CLYBL: variants seen among roughly 807,000 people sequenced by gnomAD.
CLYBL encodes citramalyl-CoA lyase.
A neutral mutation model predicts 38.9 loss-of-function variants in CLYBL; 31 were observed. That is an observed-to-expected ratio of 0.80 (90% CI 0.60 to 1.08). CLYBL has a LOEUF of 1.08. Ranked by LOEUF, CLYBL falls within the 50% of genes least tolerant of loss-of-function variation. CLYBL has a pLI of 0.00. For synonymous variants in CLYBL, 171 were observed against 158.6 expected, an observed-to-expected ratio of 1.08 and a Z score of -0.59; for missense variants, 434 against 411.6, an observed-to-expected ratio of 1.05 and a Z score of -0.47.
chr13:99,665,463 T>C (rs1279670630), intron 1 of CLYBL, among the ~76,000 whole-genome samples: 1 of 152,086 alleles, frequency 6.6e-6, no homozygotes, highest in South Asian at 2.1e-4. Context: ...AGAATTAATA[T>C]AAAGAAAACA....
At chr13:99,736,892 A>G (rs1407831157) in intron 1 of CLYBL, among the ~76,000 whole-genome samples, 1 of 152,170 alleles carries the variant, frequency 6.6e-6, no homozygotes, top group African/African-American at 2.4e-5. Context: ...ATATTGCCAG[A>G]CCCTGGCTTA....
chr13:99,782,035 A>G (rs893702183), intron 2 of CLYBL, among the ~76,000 whole-genome samples: 2 of 152,086 alleles, frequency 1.3e-5, no homozygotes, highest in African/African-American at 4.8e-5. Flanking sequence ...TATTATTGCT[A>G]TCTACAGTAT....
At chr13:99,905,794 CTCTG>C (rs1434304487) in intron 9 of CLYBL, among the ~76,000 whole-genome samples, 3 of 150,132 alleles carry the variant, frequency 2.0e-5, no homozygotes, top group East Asian at 3.9e-4. Flanking sequence ...GAGACAGGGT[CTCTG>C]TCTGTCGCCC....
At position 99,655,072 on chromosome 13, in the gene CLYBL, A is replaced by T. The variant is rs1435292034; in HGVS notation, c.62+48315A>T. Among the ~76,000 whole-genome samples, 5 of 147,074 alleles carry T rather than the reference A, an allele frequency of 3.4e-5. No individual in the cohort carries two copies. In the South Asian group the frequency reaches 1.1e-3, roughly 32 times the overall value. ...TGATGGCCCAGCACTATGGTGTTGC[A>T]TTTCTTTCTTTTTTTTTTTTTTAGA... On this transcript the variant is annotated intron_variant, in intron 1 of 8. Coordinates refer to ENST00000339105, the MANE Select transcript of CLYBL (RefSeq NM_206808.5).
At chr13:99,803,737 A>G (rs897795618) in intron 2 of CLYBL, among the ~76,000 whole-genome samples, 2 of 152,206 alleles carry the variant, frequency 1.3e-5, no homozygotes, top group Non-Finnish European at 2.9e-5. Context: ...TGGGGGGTCC[A>G]GTGGGTTGAA....
chr13:99,800,157 A>G (rs1423626579), intron 2 of CLYBL, among the ~76,000 whole-genome samples: 4 of 152,068 alleles, frequency 2.6e-5, no homozygotes, highest in Non-Finnish European at 5.9e-5. Flanking sequence ...CTTCTCACCC[A>G]CATGGTTTGG....
chr13:99,862,887 A>G (rs1338935565), intron 3 of CLYBL, 104 bp from the exon 4 acceptor site: 36 of 479,206 alleles, frequency 7.5e-5, no homozygotes, highest in Non-Finnish European at 1.1e-4. Flanking sequence ...AGAGGCTTGG[A>G]TATTACTTCC....
At chr13:99,782,072 C>A (rs2049668312) in intron 2 of CLYBL, among the ~76,000 whole-genome samples, 1 of 151,992 alleles carries the variant, frequency 6.6e-6, no homozygotes. Flanking sequence ...ACATATTTTC[C>A]CACTTTTTTT....
rs1447534154 is a variant in CLYBL at position 99,849,581 on chromosome 13, G to A, written c.250-9280G>A. On this transcript the variant is annotated intron_variant, in intron 2 of 8. Transcript: ENST00000339105. This position sits in a 1 kb window ranked among gnomAD's most constrained non-coding sequence, Gnocchi z 4.9. The stretch of plus-strand genomic sequence containing the variant: ...GAATCATAAAACATCGGCAGTGCCC[G>A]CCCACCAAGGGCATCTTCTCAGCAC... Among the ~76,000 whole-genome samples, 1 of 152,186 alleles carries A rather than the reference G, an allele frequency of 6.6e-6. No homozygotes were observed. The highest frequency in any genetic ancestry group is 1.5e-5 in the Non-Finnish European group (1 of 68,044).
chr13:99,743,441 A>C (rs116522210), intron 1 of CLYBL, among the ~76,000 whole-genome samples: 2 of 152,218 alleles, frequency 1.3e-5, no homozygotes, highest in South Asian at 4.1e-4. Context: ...TGAAATGTAC[A>C]TGCAGACAAG....
At chr13:99,904,199 A>G (rs1175514292) in intron 8 of CLYBL, among the ~76,000 whole-genome samples, 2 of 152,200 alleles carry the variant, frequency 1.3e-5, no homozygotes, top group African/African-American at 4.8e-5. Context: ...GTAAATACTA[A>G]TATCTGGGCC....
At chr13:99,675,558 A>G (rs144284085) in intron 1 of CLYBL, among the ~76,000 whole-genome samples, 13 of 152,194 alleles carry the variant, frequency 8.5e-5, no homozygotes, top group African/African-American at 2.6e-4. Context: ...CTAGGCAACC[A>G]CTAGTCTACT....
intron 7 of CLYBL, among the ~76,000 whole-genome samples, chr13:99,880,774 C>T (rs1028535626): frequency 2.0e-5 from 3 of 152,256 alleles, no homozygotes; most frequent in Non-Finnish European, 2.9e-5. Context: ...AAGAGGCCTC[C>T]CTTCCGTGCC....
At chr13:99,637,577 A>G (rs1057002890) in intron 1 of CLYBL, among the ~76,000 whole-genome samples, 2 of 152,086 alleles carry the variant, frequency 1.3e-5, no homozygotes, top group Admixed American at 1.3e-4. Flanking sequence ...CCTGGGCAAC[A>G]TGGTGAAACC....
At chr13:99,624,445 G>A (rs2046841625) in intron 1 of CLYBL, among the ~76,000 whole-genome samples, 1 of 152,168 alleles carries the variant, frequency 6.6e-6, no homozygotes, top group Non-Finnish European at 1.5e-5. Context: ...TTATAGATTT[G>A]TCTAAACATT....
chr13:99,614,478 C>G (rs987893173), intron 1 of CLYBL, among the ~76,000 whole-genome samples: 2 of 152,064 alleles, frequency 1.3e-5, no homozygotes, highest in African/African-American at 2.4e-5. Flanking sequence ...TTTCCCTGAG[C>G]AAAAACCAGT....
chr13:99,744,425 A>G (rs1283575085), intron 1 of CLYBL, among the ~76,000 whole-genome samples: 1 of 152,192 alleles, frequency 6.6e-6, no homozygotes, highest in African/African-American at 2.4e-5. Flanking sequence ...TTCTCTTACC[A>G]TACAGAGACC....
At chr13:99,707,828 T>C (rs902609319) in intron 1 of CLYBL, among the ~76,000 whole-genome samples, 4 of 152,182 alleles carry the variant, frequency 2.6e-5, no homozygotes, top group Non-Finnish European at 4.4e-5. Flanking sequence ...TCAGAATTGT[T>C]TCATTAGGGT....
intron 1 of CLYBL, among the ~76,000 whole-genome samples, chr13:99,765,363 A>G (rs1594167904): frequency 1.3e-5 from 2 of 152,036 alleles, no homozygotes; most frequent in South Asian, 2.1e-4. Flanking sequence ...GACCTTTGAG[A>G]GTCTGATTAT....
Sources: allele counts gnomAD v4.1 joint callset (sites outside exome capture counted in the v4.1 genomes callset), GRCh38; gene constraint gnomAD v4.1.1; non-coding constraint Gnocchi (gnomAD v3.1); transcripts MANE v1.5; gene names NCBI Gene and HGNC (gene_info 2026-07-23, HGNC 2026-07-21).